SART3: variants seen among roughly 807,000 people sequenced by gnomAD.
SART3 encodes HIV-1 Tat-interacting protein of 110kDa.
Under a neutral mutation model 122.3 loss-of-function variants are expected in SART3, and 44 were observed. That is an observed-to-expected ratio of 0.36 (90% CI 0.28 to 0.46). The LOEUF is 0.46. Ranked by LOEUF, SART3 falls within the 20% of genes least tolerant of loss-of-function variation. The pLI, the probability that SART3 is intolerant of heterozygous loss-of-function variation, is 1.00. For synonymous variants in SART3, 442 were observed against 454.0 expected (o/e 0.97, Z 0.34); for missense variants, 1,101 against 1,229.0 (o/e 0.90, Z 1.56).
chr12:108,557,390 C>T (rs2030276420), intron 1 of SART3, among the ~76,000 whole-genome samples: 1 of 151,876 alleles, frequency 6.6e-6, no homozygotes, highest in South Asian at 2.1e-4. Flanking sequence ...TAACCAATCA[C>T]AAAATGATCT....
chr12:108,542,346 T>C (rs754419326), intron 6 of SART3, among the ~76,000 whole-genome samples: 25 of 152,346 alleles, frequency 1.6e-4, no homozygotes, highest in Non-Finnish European at 3.1e-4. Context: ...TGCAAACTGA[T>C]AACCTGGAAA....
At chr12:108,551,838 C>A (rs910301995) in intron 1 of SART3, among the ~76,000 whole-genome samples, 5 of 151,988 alleles carry the variant, frequency 3.3e-5, no homozygotes, top group Admixed American at 6.6e-5. Context: ...TAATACACTT[C>A]TAAATAATCT....
Position 108,561,077 on chromosome 12 carries a change from C to T in SART3, c.78G>A (p.Glu26=), listed in dbSNP as rs139923569. The T allele has an allele frequency of 1.1e-5, 18 of 1,614,064 alleles. No individual in the cohort carries two copies. The highest frequency in any genetic ancestry group is 1.4e-5 in the Non-Finnish European group (17 of 1,180,040). The change falls in exon 1 of 19, where the codon GAG becomes GAA. Residue 26 remains glutamate, a synonymous_variant. Coordinates refer to ENST00000546815, the MANE Select transcript of SART3 (RefSeq NM_014706.4). The stretch of plus-strand genomic sequence containing the variant: ...TTGTCCTAGCCGCCTTAACCTCATC[C>T]TCCTCTCCGTCAGCCTTGGGCCCAG... ...SKAGPKADGE[E]DEVKAARTRR... is the part of the protein sequence containing the mutation.
At chr12:108,527,310 C>T (rs1478545360) in intron 15 of SART3, among the ~76,000 whole-genome samples, 1 of 152,226 alleles carries the variant, frequency 6.6e-6, no homozygotes, top group Non-Finnish European at 1.5e-5. Flanking sequence ...TTATCTGCTG[C>T]TCACAGAAAA....
intron 15 of SART3, among the ~76,000 whole-genome samples, chr12:108,527,321 T>C (rs993865162): frequency 3.9e-5 from 6 of 152,062 alleles, no homozygotes; most frequent in Non-Finnish European, 5.9e-5. Flanking sequence ...TCACAGAAAA[T>C]GCCAGGCTGT....
intron 1 of SART3, among the ~76,000 whole-genome samples, chr12:108,556,980 G>A (rs936667613): frequency 1.4e-5 from 2 of 144,446 alleles, no homozygotes; most frequent in African/African-American, 2.5e-5. Context: ...TATAAAAGTC[G>A]CTAAAGTCAA....
At chr12:108,537,214 T>G in intron 9 of SART3, 1 of 456,416 alleles carries the variant, frequency 2.2e-6, no homozygotes, top group Non-Finnish European at 4.0e-6. Flanking sequence ...TTTCAAGAAG[T>G]ATTTAGGATA....
At position 108,548,014 on chromosome 12, in the gene SART3, G is replaced by A. The variant is rs780138036; in HGVS notation, c.440-23C>T. 14 of 1,589,436 alleles carry A rather than the reference G, an allele frequency of 8.8e-6. No homozygotes were observed. In the East Asian group the frequency reaches 1.1e-4, roughly 13 times the overall value. On this transcript the variant is annotated intron_variant, in intron 2 of 18. Coordinates refer to ENST00000546815, the MANE Select transcript of SART3 (RefSeq NM_014706.4). The stretch of plus-strand genomic sequence containing the variant: ...GCTCTACGAGACAAAAATACTTCCC[G>A]CATTAATACCAAAGGGTAGGCTAAG...
At chr12:108,550,241 G>T (rs777967682) in intron 1 of SART3, among the ~76,000 whole-genome samples, 1 of 152,006 alleles carries the variant, frequency 6.6e-6, no homozygotes, top group African/African-American at 2.4e-5. Flanking sequence ...GAAGTTCTTC[G>T]AACAGAAAAG....
At chr12:108,532,703 A>T in intron 12 of SART3, 1 of 303,476 alleles carries the variant, frequency 3.3e-6, no homozygotes, top group East Asian at 8.4e-5. Context: ...CGTCCTACTG[A>T]CAGGAGAGTT....
intron 12 of SART3, among the ~76,000 whole-genome samples, chr12:108,534,406 G>A (rs868814400): frequency 6.6e-6 from 1 of 151,934 alleles, no homozygotes; most frequent in Non-Finnish European, 1.5e-5. Flanking sequence ...ACGTTTAGCC[G>A]GATATGGTGG....
At chr12:108,539,223 C>G (rs149934850) in intron 6 of SART3, 134 bp from the exon 7 acceptor site, 6 of 840,830 alleles carry the variant, frequency 7.1e-6, no homozygotes, top group Admixed American at 2.0e-5. Context: ...AACCACTCCA[C>G]TATGGCCTCT....
Position 108,541,998 on chromosome 12 carries a change from C to CT in SART3, c.906+1029dup, listed in dbSNP as rs55746158. ...TACAGACACATGCCACCAAGCCCGGCTTTTTTTTTTTTTTTTTTTTTTTTT... is the reference window on the plus strand; with the variant it reads ...TACAGACACATGCCACCAAGCCCGGCTTTTTTTTTTTTTTTTTTTTTTTTTT... On this transcript the variant is annotated intron_variant, in intron 6 of 18. Transcript: ENST00000546815. Among the ~76,000 whole-genome samples the CT allele has an allele frequency of 3.8e-3, 262 of 68,096 alleles. 18 individuals are homozygous for CT. The highest frequency in any genetic ancestry group is 6.2e-3 in the African/African-American group (114 of 18,518). 44.7% of individuals were successfully genotyped at this position (68,096 alleles called of 152,430 possible).
In SART3 at chr12:108,548,757, T is replaced by C. The variant is rs568992299; in HGVS notation, c.439+331A>G. On this transcript the variant is annotated intron_variant, in intron 2 of 18. Transcript: ENST00000546815. ...ACTGTCTGTAAAAGTTTAAATATAT[T>C]TACAATTTTCTGGTTTCAAGAGAAT... Among the ~76,000 whole-genome samples, 130 of 152,348 alleles carry C rather than the reference T, an allele frequency of 8.5e-4. 1 individual carries two copies. Among genetic ancestry groups the C allele is most frequent in the Non-Finnish European group, 1.5e-3 (105 of 68,036 alleles).
In SART3 at chr12:108,561,036, G is replaced by A. The variant is rs769399138; in HGVS notation, c.119C>T (p.Ser40Leu). 5.5e-5 allele frequency: 89 copies of A among 1,614,020 alleles called. No homozygotes were observed. Among genetic ancestry groups the A allele is most frequent in the Non-Finnish European group, 4.7e-5 (56 of 1,180,018 alleles). Reference protein sequence around the residue: ...KAARTRRKVLSRAVAAATYKT... With the variant: ...KAARTRRKVLLRAVAAATYKT... Reference sequence around the variant, plus strand: ...GTATGTCGCAGCGGCCACAGCCCGCGATAACACCTTCCTCCTTGTCCTAGC... The same window carrying A: ...GTATGTCGCAGCGGCCACAGCCCGCAATAACACCTTCCTCCTTGTCCTAGC... Residue 40 changes from serine (S) to leucine (L), a missense_variant, in exon 1 of 19, where the codon TCG becomes TTG. Physicochemically the swap from Ser to Leu is moderately radical, Grantham distance 145 (BLOSUM62 -2). This residue lies in a region of SART3 where 216 missense variants were observed against 148.9 expected (regional missense o/e 1.45). Transcript: ENST00000546815.
At chr12:108,548,988 T>C in intron 2 of SART3, 100 bp downstream of exon 2, 3 of 1,562,424 alleles carry the variant, frequency 1.9e-6, no homozygotes, top group East Asian at 4.5e-5. Flanking sequence ...ACACTGAACG[T>C]TCCAGGTTTT....
chr12:108,560,909 C>T lies in SART3; in HGVS notation c.246G>A (p.Glu82=), dbSNP rs2030505557. ...MASSAESSPG[E]YEWEYDEEEE... ...CCTCTTCGTCATATTCCCACTCGTA[C>T]TCCCCGGGGGAGCTCTCCGCGGAGG... Residue 82 remains glutamate, a synonymous_variant, in exon 1 of 19, where the codon GAG becomes GAA. Coordinates refer to ENST00000546815, the MANE Select transcript of SART3 (RefSeq NM_014706.4). 2 of 1,613,402 alleles carry T rather than the reference C, an allele frequency of 1.2e-6. No homozygotes were observed. The highest frequency in any genetic ancestry group is 1.7e-6 in the Non-Finnish European group (2 of 1,179,462).
intron 11 of SART3, among the ~76,000 whole-genome samples, chr12:108,535,892 A>T (rs1001133321): frequency 9.9e-5 from 15 of 152,156 alleles, no homozygotes; most frequent in Admixed American, 2.0e-4. Flanking sequence ...CAGTTTTCTC[A>T]TCTTTAAAAT....
At chr12:108,550,576 AAGAT>A (rs2029964223) in intron 1 of SART3, among the ~76,000 whole-genome samples, 1 of 152,182 alleles carries the variant, frequency 6.6e-6, no homozygotes, top group Admixed American at 6.6e-5. Context: ...TAAATAAATC[AAGAT>A]GGCTGGGCAT....
Sources: gnomAD v4.1 joint callset for allele counts (sites outside exome capture counted in the v4.1 genomes callset) on GRCh38, gnomAD v4.1.1 for gene constraint, gnomAD v4.1.1 regional missense constraint, MANE v1.5 for transcripts, NCBI Gene and HGNC (gene_info 2026-07-23, HGNC 2026-07-21) for gene names.